The following KIFAP3 variants were observed in gnomAD, a reference collection of about 807,000 sequenced individuals.
The protein encoded by KIFAP3 is kinesin-associated protein 3.
In KIFAP3, 68 loss-of-function variants were observed where a neutral mutation model predicts 106.5. The ratio of observed to expected loss-of-function variants is 0.64; its 90% CI spans 0.53 to 0.78. The LOEUF (loss-of-function observed/expected upper bound fraction) is 0.78. KIFAP3 is among the 30% of genes least tolerant of loss of function. KIFAP3 has a pLI of 0.00. For synonymous variants in KIFAP3, 320 were observed against 311.5 expected (o/e 1.03, Z -0.29); for missense variants, 780 against 941.8 (o/e 0.83, Z 2.25).
chr1:170,082,450 G>C (rs998599040), intron 1 of KIFAP3, among the ~76,000 whole-genome samples: 1 of 152,146 alleles, frequency 6.6e-6, no homozygotes, highest in African/African-American at 2.4e-5. Flanking sequence ...CTGCAGCCAG[G>C]CTGGAGGAAA....
intron 5 of KIFAP3, among the ~76,000 whole-genome samples, chr1:170,036,581 G>A (rs1484251341): frequency 6.6e-6 from 1 of 152,094 alleles, no homozygotes; most frequent in African/African-American, 2.4e-5. Context: ...CATATTAACA[G>A]CAAAGCCTCC....
chr1:170,080,546 T>C (rs1672004361), intron 1 of KIFAP3, among the ~76,000 whole-genome samples: 1 of 152,124 alleles, frequency 6.6e-6, no homozygotes, highest in African/African-American at 2.4e-5. Flanking sequence ...CATAAGGATA[T>C]ACATATACAT....
intron 10 of KIFAP3, among the ~76,000 whole-genome samples, chr1:170,005,562 A>G (rs928727258): frequency 7.2e-5 from 11 of 152,096 alleles, no homozygotes; most frequent in African/African-American, 2.7e-4. Flanking sequence ...TTGCAGGGAC[A>G]TGGATGAAGC....
intron 11 of KIFAP3, among the ~76,000 whole-genome samples, chr1:169,989,033 C>T (rs1171853844): frequency 6.6e-6 from 1 of 151,948 alleles, no homozygotes; most frequent in African/African-American, 2.4e-5. Context: ...ATACAGATTA[C>T]ACATGTTCTG....
intron 1 of KIFAP3, among the ~76,000 whole-genome samples, chr1:170,063,960 G>C (rs1415196155): frequency 6.6e-6 from 1 of 152,054 alleles, no homozygotes; most frequent in Non-Finnish European, 1.5e-5. Flanking sequence ...CTTTAGAAAG[G>C]TGATGCCCAT....
chr1:170,036,882 G>A (rs1669717304), intron 5 of KIFAP3, among the ~76,000 whole-genome samples: 1 of 152,086 alleles, frequency 6.6e-6, no homozygotes, highest in Non-Finnish European at 1.5e-5. Flanking sequence ...TTTACAAGAG[G>A]TCAAAAGACA....
chr1:169,975,743 T>G (rs896031028), intron 16 of KIFAP3, among the ~76,000 whole-genome samples: 7 of 152,140 alleles, frequency 4.6e-5, no homozygotes, highest in African/African-American at 1.7e-4. Context: ...GCCTCCCAGG[T>G]AGCTGAGACT....
At chr1:169,989,517 G>A (rs1666997210) in intron 11 of KIFAP3, among the ~76,000 whole-genome samples, 2 of 151,964 alleles carry the variant, frequency 1.3e-5, no homozygotes, top group African/African-American at 2.4e-5. Context: ...TAGAACATAT[G>A]GAGTGAGACT....
chr1:170,041,066 G>A (rs994734907), intron 3 of KIFAP3, among the ~76,000 whole-genome samples: 1 of 151,908 alleles, frequency 6.6e-6, no homozygotes, highest in Non-Finnish European at 1.5e-5. Context: ...CTCGTGATCC[G>A]CCCGCCTCGG....
At chr1:170,084,109 A>G (rs1418032964) in intron 1 of KIFAP3, among the ~76,000 whole-genome samples, 1 of 152,186 alleles carries the variant, frequency 6.6e-6, no homozygotes, top group Non-Finnish European at 1.5e-5. Context: ...ATACACCAAC[A>G]TGGCTAAAGA....
chr1:170,061,216 T>C (rs932167144), intron 1 of KIFAP3, among the ~76,000 whole-genome samples: 20 of 152,090 alleles, frequency 1.3e-4, no homozygotes, highest in African/African-American at 1.9e-4. Flanking sequence ...ACCATCAGAG[T>C]GAACAGGCAA....
rs192036145 is a variant in KIFAP3 at position 169,939,870 on chromosome 1, T to C, written c.2273+14141A>G. On this transcript the variant is annotated intron_variant, in intron 19 of 19. Transcript: ENST00000361580. ...ATTAGATTTGGCAATATGAAGACTA[T>C]TGGTGATTTTGACAAGAGTGGGGAA... Among the ~76,000 whole-genome samples the C allele has an allele frequency of 1.0e-3, 154 of 152,232 alleles. 2 individuals carry two copies. Among genetic ancestry groups the C allele is most frequent in the African/African-American group, 3.3e-3 (139 of 41,544 alleles).
chr1:169,982,058 A>G lies in KIFAP3; in HGVS notation c.1712T>C (p.Met571Thr). The change falls in exon 15 of 20, where the codon ATG (methionine) becomes ACG (threonine). Residue 571 changes from methionine (M) to threonine (T), a missense_variant. Coordinates refer to ENST00000361580, the MANE Select transcript of KIFAP3 (RefSeq NM_014970.4). ...EDDLVLEVVIMIGTVSMDDSC... is the reference protein window; with the variant it reads ...EDDLVLEVVITIGTVSMDDSC... ...GTCATCCATGGATACAGTTCCAATC[A>G]TTATAACCACTTCTAAAACAAGATC... 1 of 1,613,544 alleles carries G rather than the reference A, an allele frequency of 6.2e-7. No individual in the cohort carries two copies. The highest frequency in any genetic ancestry group is 8.5e-7 in the Non-Finnish European group (1 of 1,179,548).
chr1:170,054,951 A>G (rs1002080102), intron 2 of KIFAP3, among the ~76,000 whole-genome samples: 1 of 152,242 alleles, frequency 6.6e-6, no homozygotes, highest in Non-Finnish European at 1.5e-5. Context: ...CTTTCTGCAC[A>G]TGTATCACAG....
At chr1:170,038,174 A>G (rs1191936370) in intron 5 of KIFAP3, 116 bp downstream of exon 5, 1 of 805,654 alleles carries the variant, frequency 1.2e-6, no homozygotes, top group Non-Finnish European at 1.9e-6. Context: ...CTCTCAATTT[A>G]AGAAATCTGA....
intron 9 of KIFAP3, among the ~76,000 whole-genome samples, chr1:170,019,587 A>G (rs1165731913): frequency 1.3e-5 from 2 of 152,284 alleles, no homozygotes; most frequent in South Asian, 2.1e-4. Flanking sequence ...CGAAAAACCC[A>G]TATGATTATC....
intron 16 of KIFAP3, among the ~76,000 whole-genome samples, chr1:169,973,426 C>A (rs1666044627): frequency 1.1e-5 from 1 of 89,764 alleles, no homozygotes; most frequent in African/African-American, 4.6e-5. Flanking sequence ...AACTATAATT[C>A]AAGAAAACTT....
At chr1:169,988,255 C>G (rs891312784) in intron 11 of KIFAP3, among the ~76,000 whole-genome samples, 13 of 151,286 alleles carry the variant, frequency 8.6e-5, no homozygotes, top group African/African-American at 1.5e-4. Flanking sequence ...TTAAAATGGA[C>G]TATAAATGGG....
In KIFAP3 at chr1:169,945,125, G is replaced by A. The variant is rs544547821; in HGVS notation, c.2273+8886C>T. ...GCTTGTAGGTGCCCAAAGCTTCAGA[G>A]GGGGCTGAGGCAGTGGGGGGCGGGG... On this transcript the variant is annotated intron_variant, in intron 19 of 19. Transcript: ENST00000361580. Among the ~76,000 whole-genome samples the A allele has an allele frequency of 7.2e-3, 779 of 108,814 alleles. 6 individuals are homozygous for A. Among genetic ancestry groups the A allele is most frequent in the South Asian group, 0.013 (39 of 2,934 alleles). The allele number at this position is 108,814 out of a possible 152,430, so 71.4% of individuals were successfully genotyped here.
Sources: gnomAD v4.1 joint callset for allele counts (sites outside exome capture counted in the v4.1 genomes callset) on GRCh38, gnomAD v4.1.1 for gene constraint, MANE v1.5 for transcripts, NCBI Gene and HGNC (gene_info 2026-07-23, HGNC 2026-07-21) for gene names.